The following BBS9 variants were observed in gnomAD, a reference collection of about 807,000 sequenced individuals.
BBS9 encodes Bardet-Biedl syndrome 9, also known as protein PTHB1.
A neutral mutation model predicts 117.7 loss-of-function variants in BBS9; 89 were observed. The ratio of observed to expected loss-of-function variants is 0.76; its 90% CI spans 0.64 to 0.90. The LOEUF is 0.90. Among genes scored for constraint, BBS9 ranks in the 40% least tolerant of loss-of-function variants. The pLI is 0.00. For synonymous variants in BBS9, 379 were observed against 370.9 expected (o/e 1.02, Z -0.25); for missense variants, 982 against 1,042.2 (o/e 0.94, Z 0.80).
intron 19 of BBS9, among the ~76,000 whole-genome samples, chr7:33,416,808 C>T (rs982836839): frequency 6.6e-6 from 1 of 152,146 alleles, no homozygotes; most frequent in Non-Finnish European, 1.5e-5. Flanking sequence ...GAGGAGGCAG[C>T]CAGTTGTCTC....
At chr7:33,430,968 C>T (rs114935543) in intron 19 of BBS9, among the ~76,000 whole-genome samples, 4,479 of 150,520 alleles carry the variant, frequency 0.03, 229 homozygotes, top group African/African-American at 0.1. Context: ...GCGGGTGGAT[C>T]GCTTGAACTC....
chr7:33,336,377 A>T, intron 9 of BBS9, 64 bp from the exon 10 acceptor site: 1 of 1,235,580 alleles, frequency 8.1e-7, no homozygotes, highest in Non-Finnish European at 1.2e-6. Flanking sequence ...GTAAAAATGT[A>T]GTTGGTCAAG....
intron 20 of BBS9, among the ~76,000 whole-genome samples, chr7:33,524,743 T>A (rs536866534): frequency 1.3e-5 from 2 of 152,228 alleles, no homozygotes; most frequent in Admixed American, 1.3e-4. Context: ...TGTGTCTCTA[T>A]TTCCTTCAGT....
chr7:33,226,500 A>T (rs1475058318), intron 5 of BBS9, among the ~76,000 whole-genome samples: 1 of 152,216 alleles, frequency 6.6e-6, no homozygotes, highest in Middle Eastern at 3.2e-3. Context: ...TTAATACTCA[A>T]AACAATTAAA....
intron 21 of BBS9, among the ~76,000 whole-genome samples, chr7:33,578,055 AAAAAAT>A (rs1859244350): frequency 2.0e-5 from 3 of 152,218 alleles, no homozygotes; most frequent in Non-Finnish European, 4.4e-5. Context: ...GTATAATTTT[AAAAAAT>A]GTCCTCTTGC....
intron 9 of BBS9, among the ~76,000 whole-genome samples, chr7:33,335,854 T>C (rs368647742): frequency 3.3e-5 from 5 of 152,198 alleles, no homozygotes; most frequent in African/African-American, 9.6e-5. Flanking sequence ...GAAGCTGTGA[T>C]GGGAGGACCT....
At chr7:33,535,400 G>A (rs1474302149) in intron 21 of BBS9, among the ~76,000 whole-genome samples, 2 of 152,108 alleles carry the variant, frequency 1.3e-5, no homozygotes, top group Non-Finnish European at 2.9e-5. Context: ...ATTTAGAGGT[G>A]GAAAAATAGC....
chr7:33,199,599 A>T (rs1785503212), intron 5 of BBS9, among the ~76,000 whole-genome samples: 2 of 151,180 alleles, frequency 1.3e-5, no homozygotes, highest in Non-Finnish European at 3.0e-5. Context: ...TTTTTTTTTT[A>T]ATGTTATACT....
chr7:33,388,231 A>C, intron 19 of BBS9, 87 bp downstream of exon 19: 1 of 1,487,246 alleles, frequency 6.7e-7, no homozygotes, highest in Non-Finnish European at 9.4e-7. Flanking sequence ...ATCCAAGATA[A>C]GGTACTCATT....
intron 2 of BBS9, among the ~76,000 whole-genome samples, chr7:33,152,453 T>C (rs1793487353): frequency 6.6e-6 from 1 of 152,120 alleles, no homozygotes; most frequent in Admixed American, 6.5e-5. Flanking sequence ...AAATAAAGGT[T>C]TAGGAAAAAA....
chr7:33,343,931 A>G (rs989643849), intron 11 of BBS9, among the ~76,000 whole-genome samples: 1 of 152,150 alleles, frequency 6.6e-6, no homozygotes, highest in Non-Finnish European at 1.5e-5. Context: ...GAATGGCATA[A>G]TATTTTTCTG....
intron 19 of BBS9, among the ~76,000 whole-genome samples, chr7:33,501,294 G>A (rs1297532348): frequency 6.6e-6 from 1 of 152,152 alleles, no homozygotes; most frequent in African/African-American, 2.4e-5. Flanking sequence ...AGTAAACTTG[G>A]CTGTTACGTG....
chr7:33,287,145 T>C (rs934544745), intron 9 of BBS9, among the ~76,000 whole-genome samples: 1 of 152,170 alleles, frequency 6.6e-6, no homozygotes, highest in African/African-American at 2.4e-5. Context: ...ATAACTCTTA[T>C]GGTATAGGAT....
At chr7:33,306,751 C>G (rs1562968645) in intron 9 of BBS9, among the ~76,000 whole-genome samples, 3 of 152,018 alleles carry the variant, frequency 2.0e-5, no homozygotes, top group Admixed American at 2.0e-4. Context: ...AAAATTATTA[C>G]CACATGTGTG....
chr7:33,200,719 T>A (rs534565020), intron 5 of BBS9, among the ~76,000 whole-genome samples: 1 of 152,306 alleles, frequency 6.6e-6, no homozygotes, highest in East Asian at 1.9e-4. Flanking sequence ...CCAATTTTCT[T>A]CCTTTTAATG....
intron 9 of BBS9, among the ~76,000 whole-genome samples, chr7:33,324,460 C>T (rs1812412082): frequency 1.3e-5 from 2 of 152,094 alleles, no homozygotes; most frequent in Admixed American, 6.6e-5. Context: ...ATTTTTGATT[C>T]AGTTCATCTT....
At chr7:33,387,456 G>A (rs1476946070) in intron 18 of BBS9, among the ~76,000 whole-genome samples, 1 of 151,826 alleles carries the variant, frequency 6.6e-6, no homozygotes, top group Non-Finnish European at 1.5e-5. Flanking sequence ...TTTGCTATTT[G>A]TCCTATTTTC....
intron 17 of BBS9, among the ~76,000 whole-genome samples, chr7:33,383,179 A>G (rs1825392253): frequency 6.6e-6 from 1 of 152,228 alleles, no homozygotes; most frequent in Admixed American, 6.5e-5. Flanking sequence ...CTCTCTTCAA[A>G]TTAAATAACT....
At chr7:33,387,800 A>G (rs1419017923) in intron 18 of BBS9, among the ~76,000 whole-genome samples, 192 bp from the exon 19 acceptor site, 1 of 152,098 alleles carries the variant, frequency 6.6e-6, no homozygotes, top group African/African-American at 2.4e-5. Flanking sequence ...TTTCCATTTG[A>G]TCTGTTCCAC....
Sources: gnomAD v4.1 joint callset for allele counts (sites outside exome capture counted in the v4.1 genomes callset) on GRCh38, gnomAD v4.1.1 for gene constraint, MANE v1.5 for transcripts, NCBI Gene and HGNC (gene_info 2026-07-23, HGNC 2026-07-21) for gene names.